AGAP1: variants seen among roughly 807,000 people sequenced by gnomAD.
AGAP1 encodes the protein ArfGAP with GTPase domain, ankyrin repeat and PH domain 1.
A neutral mutation model predicts 105.3 loss-of-function variants in AGAP1; 29 were observed. That is an observed-to-expected ratio of 0.28 (90% confidence interval 0.21 to 0.38). The LOEUF is 0.38. Ranked by LOEUF, AGAP1 falls within the 10% of genes least tolerant of loss-of-function variation. The pLI, the probability that AGAP1 is intolerant of heterozygous loss-of-function variation, is 1.00. For synonymous variants in AGAP1, 509 were observed against 485.9 expected, an observed-to-expected ratio of 1.05 and a Z score of -0.63; for missense variants, 998 against 1,165.1, an observed-to-expected ratio of 0.86 and a Z score of 2.09.
rs1174630705 is a variant in AGAP1 at position 235,754,531 on chromosome 2, C to A, written c.673+4043C>A. On this transcript the variant is annotated intron_variant, in intron 6 of 17. Transcript: ENST00000304032. The surrounding 1 kb of genome is among the most constrained non-coding windows in gnomAD (Gnocchi z 4.6). ...TAAAAGGCCAGGGACCTCATTCTTT[C>A]TTCTCCAACATTTGACTTCTTAGTG... Among the ~76,000 whole-genome samples the A allele has an allele frequency of 3.3e-5, 5 of 152,056 alleles. No homozygotes were observed. The highest frequency in any genetic ancestry group is 6.5e-5 in the Admixed American group (1 of 15,280).
In AGAP1 at chr2:235,552,281, T is replaced by C. The variant is rs1283165742; in HGVS notation, c.163+57432T>C. Among the ~76,000 whole-genome samples, 2 of 152,192 alleles carry C rather than the reference T, an allele frequency of 1.3e-5. No homozygotes were observed. Among genetic ancestry groups the C allele is most frequent in the African/African-American group, 4.8e-5 (2 of 41,446 alleles). Reference sequence around the variant, plus strand: ...GTTTCTGCAGGAAAGAGAGAGACATTGGTGCCAAGAAATCCTATCGGGGAC... The same window carrying C: ...GTTTCTGCAGGAAAGAGAGAGACATCGGTGCCAAGAAATCCTATCGGGGAC... On this transcript the variant is annotated intron_variant, in intron 1 of 17. Coordinates refer to ENST00000304032, the MANE Select transcript of AGAP1 (RefSeq NM_001037131.3). This position sits in a 1 kb window ranked among gnomAD's most constrained non-coding sequence, Gnocchi z 5.9.
chr2:235,794,724 G>C (rs1161623611), intron 6 of AGAP1, among the ~76,000 whole-genome samples: 1 of 152,066 alleles, frequency 6.6e-6, no homozygotes, highest in Non-Finnish European at 1.5e-5. Context: ...TGCCCGCCTC[G>C]GCCTCCCAGA....
chr2:236,119,505 C>T lies in AGAP1; in HGVS notation c.2115-687C>T, dbSNP rs956755143. Among the ~76,000 whole-genome samples, 5 of 152,160 alleles carry T rather than the reference C, an allele frequency of 3.3e-5. No homozygotes were observed. The highest frequency in any genetic ancestry group is 5.9e-5 in the Non-Finnish European group (4 of 68,034). Reference sequence around the variant, plus strand: ...GACCCTGGGGAGTCCACACACACCCCCTATTTCGGAGTTTGAAGCTAAAAG... The same window carrying T: ...GACCCTGGGGAGTCCACACACACCCTCTATTTCGGAGTTTGAAGCTAAAAG... On this transcript the variant is annotated intron_variant, in intron 16 of 17. Coordinates refer to ENST00000304032, the MANE Select transcript of AGAP1 (RefSeq NM_001037131.3). This position sits in a 1 kb window ranked among gnomAD's most constrained non-coding sequence, Gnocchi z 6.6.
At chr2:235,823,950 C>T (rs546316302) in intron 9 of AGAP1, among the ~76,000 whole-genome samples, 36 of 152,184 alleles carry the variant, frequency 2.4e-4, no homozygotes, top group African/African-American at 8.4e-4. Flanking sequence ...CTGAGGCTCG[C>T]CTTGCATGAT....
At chr2:236,071,981 C>G (rs60528490) in intron 16 of AGAP1, among the ~76,000 whole-genome samples, 2 of 152,184 alleles carry the variant, frequency 1.3e-5, no homozygotes, top group Non-Finnish European at 1.5e-5. Flanking sequence ...CCGGATGACT[C>G]TCCTTCAAAT....
At chr2:235,548,019 T>A (rs1943683811) in intron 1 of AGAP1, among the ~76,000 whole-genome samples, 1 of 152,254 alleles carries the variant, frequency 6.6e-6, no homozygotes, top group African/African-American at 2.4e-5. Flanking sequence ...GCTACAATAT[T>A]TGTTAGCCAA....
At chr2:235,519,804 C>T (rs897820690) in intron 1 of AGAP1, among the ~76,000 whole-genome samples, 6 of 151,990 alleles carry the variant, frequency 3.9e-5, no homozygotes, top group South Asian at 2.1e-4. Flanking sequence ...TTTTTTGAGA[C>T]GGAGTCTTGC....
intron 1 of AGAP1, among the ~76,000 whole-genome samples, chr2:235,585,428 G>T (rs1945075176): frequency 6.6e-6 from 1 of 152,110 alleles, no homozygotes; most frequent in Admixed American, 6.6e-5. Flanking sequence ...CAGAATCCTT[G>T]CAAAACCCCC....
At position 236,080,550 on chromosome 2, in the gene AGAP1, T is replaced by C. The variant is rs2058755319; in HGVS notation, c.2114+31269T>C. 1.3e-5 allele frequency among the ~76,000 whole-genome samples: 2 copies of C among 152,368 alleles called. No individual in the cohort carries two copies. The highest frequency in any genetic ancestry group is 4.8e-5 in the African/African-American group (2 of 41,596). ...AAGGGCAGCCACCTGCTGTATCTTG[T>C]ACACGTTTCATCCATCCAGCTTTTA... is the stretch of plus-strand genomic sequence containing the variant. On this transcript the variant is annotated intron_variant, in intron 16 of 17. Coordinates refer to ENST00000304032, the MANE Select transcript of AGAP1 (RefSeq NM_001037131.3). The surrounding 1 kb of genome is among the most constrained non-coding windows in gnomAD (Gnocchi z 4.2).
At position 235,887,713 on chromosome 2, in the gene AGAP1, A is replaced by G. The variant is rs1307011661; in HGVS notation, c.1155+4264A>G. Among the ~76,000 whole-genome samples, 1 of 152,210 alleles carries G rather than the reference A, an allele frequency of 6.6e-6. No homozygotes were observed. Among genetic ancestry groups the G allele is most frequent in the Non-Finnish European group, 1.5e-5 (1 of 68,046 alleles). The stretch of plus-strand genomic sequence containing the variant: ...CATCAGATATTTTTAGTTTTCTACA[A>G]AGATGTAAACGGGTATCAATAGTGA... On this transcript the variant is annotated intron_variant, in intron 10 of 17. Coordinates refer to ENST00000304032, the MANE Select transcript of AGAP1 (RefSeq NM_001037131.3). The surrounding 1 kb of genome is among the most constrained non-coding windows in gnomAD (Gnocchi z 4.1).
At chr2:235,857,532 A>C (rs2048738709) in intron 9 of AGAP1, among the ~76,000 whole-genome samples, 1 of 152,124 alleles carries the variant, frequency 6.6e-6, no homozygotes, top group African/African-American at 2.4e-5. Flanking sequence ...GCAGCTTCCC[A>C]CCCTGATTGC....
intron 8 of AGAP1, among the ~76,000 whole-genome samples, chr2:235,802,283 G>A (rs887997545): frequency 1.3e-5 from 2 of 152,158 alleles, no homozygotes; most frequent in Non-Finnish European, 2.9e-5. Flanking sequence ...TGAAGAGGCC[G>A]GGCAGGGCAG....
At position 236,120,676 on chromosome 2, in the gene AGAP1, C is replaced by T. The variant is rs1423275754; in HGVS notation, c.2370+229C>T. Among the ~76,000 whole-genome samples, 2 of 152,200 alleles carry T rather than the reference C, an allele frequency of 1.3e-5. No individual in the cohort carries two copies. The highest frequency in any genetic ancestry group is 2.9e-5 in the Non-Finnish European group (2 of 68,034). On this transcript the variant is annotated intron_variant, in intron 17 of 17. Transcript: ENST00000304032. This position sits in a 1 kb window ranked among gnomAD's most constrained non-coding sequence, Gnocchi z 6.0. The stretch of plus-strand genomic sequence containing the variant: ...TCTGAAAATTGCAACTTTGTGATTG[C>T]CCCTTATCAAGCAGGGTTGGTGCTA...
intron 1 of AGAP1, among the ~76,000 whole-genome samples, chr2:235,573,556 G>C (rs1191223360): frequency 1.3e-5 from 2 of 149,268 alleles, no homozygotes; most frequent in Non-Finnish European, 2.9e-5. Flanking sequence ...TGTCATTATA[G>C]TTACTATTAT....
At position 235,689,882 on chromosome 2, in the gene AGAP1, G is replaced by T. The variant is rs1164790990; in HGVS notation, c.164-19297G>T. ...ACCTCCTTTCCAGGAGTTTCTGTGT[G>T]CATGATGCACTTCAGAACCTATAGT... On this transcript the variant is annotated intron_variant, in intron 1 of 17. Transcript: ENST00000304032. This position sits in a 1 kb window ranked among gnomAD's most constrained non-coding sequence, Gnocchi z 4.2. Among the ~76,000 whole-genome samples the T allele has an allele frequency of 6.6e-6, 1 of 152,196 alleles. No individual in the cohort carries two copies. The highest frequency in any genetic ancestry group is 2.4e-5 in the African/African-American group (1 of 41,460).
At chr2:235,513,398 A>G (rs1010566707) in intron 1 of AGAP1, among the ~76,000 whole-genome samples, 4 of 151,946 alleles carry the variant, frequency 2.6e-5, no homozygotes, top group Non-Finnish European at 5.9e-5. Flanking sequence ...GCAGGCGCCT[A>G]TAATCCCAGC....
At chr2:235,742,925 G>A (rs549449222) in intron 4 of AGAP1, among the ~76,000 whole-genome samples, 2 of 152,180 alleles carry the variant, frequency 1.3e-5, no homozygotes, top group East Asian at 3.9e-4. Context: ...CCAGCACTTT[G>A]GGAAGCTGAG....
intron 9 of AGAP1, among the ~76,000 whole-genome samples, chr2:235,849,291 G>A (rs187404138): frequency 9.6e-4 from 147 of 152,352 alleles, no homozygotes; most frequent in Admixed American, 1.3e-3. Flanking sequence ...CCTGGGAAAA[G>A]TTGCAAGTGT....
intron 16 of AGAP1, among the ~76,000 whole-genome samples, chr2:236,085,141 G>A (rs536357724): frequency 5.3e-5 from 8 of 151,440 alleles, no homozygotes; most frequent in Middle Eastern, 3.4e-3. Context: ...ACGTGAACCC[G>A]GGAGGCGGAG....
Sources: allele counts gnomAD v4.1 joint callset (sites outside exome capture counted in the v4.1 genomes callset), GRCh38; gene constraint gnomAD v4.1.1; non-coding constraint Gnocchi (gnomAD v3.1); transcripts MANE v1.5; gene names NCBI Gene and HGNC (gene_info 2026-07-23, HGNC 2026-07-21).